The following PIEZO2 variants were observed in gnomAD, a reference collection of about 807,000 sequenced individuals.
The protein encoded by PIEZO2 is piezo type mechanosensitive ion channel component 2, also known as piezo-type mechanosensitive ion channel component 2.
Under a neutral mutation model 337.3 loss-of-function variants are expected in PIEZO2, and 172 were observed. The ratio of observed to expected loss-of-function variants is 0.51; its 90% CI spans 0.45 to 0.58. PIEZO2 has a LOEUF of 0.58. Ranked by LOEUF, PIEZO2 falls within the 20% of genes least tolerant of loss-of-function variation. PIEZO2 has a pLI of 0.00. For synonymous variants in PIEZO2, 1,251 were observed against 1,228.5 expected, an observed-to-expected ratio of 1.02 and a Z score of -0.38; for missense variants, 3,028 against 3,391.3, an observed-to-expected ratio of 0.89 and a Z score of 2.66.
Position 10,946,614 on chromosome 18 carries a change from C to T in PIEZO2, c.286+32921G>A, listed in dbSNP as rs2033035576. 1.3e-5 allele frequency among the ~76,000 whole-genome samples: 2 copies of T among 152,216 alleles called. 1 individual carries two copies. Among genetic ancestry groups the T allele is most frequent in the Admixed American group, 1.3e-4 (2 of 15,286 alleles). On this transcript the variant is annotated intron_variant, in intron 3 of 55. Coordinates refer to ENST00000674853, the MANE Select transcript of PIEZO2 (RefSeq NM_001378183.1). ...GAGGAGGAGCTGAACTTCCACCTCA[C>T]CCATCTGCAATGAGGCAGTGTGAGT... is the stretch of plus-strand genomic sequence containing the variant.
chr18:10,934,371 GT>G (rs1193108213), intron 3 of PIEZO2, among the ~76,000 whole-genome samples: 1 of 152,182 alleles, frequency 6.6e-6, no homozygotes, highest in Non-Finnish European at 1.5e-5. Context: ...GTCCATGACT[GT>G]GTTCAGGCCC....
rs1598789425 is a variant in PIEZO2 at position 10,988,527 on chromosome 18, A to G, written c.161-8867T>C. Among the ~76,000 whole-genome samples the G allele has an allele frequency of 6.6e-6, 1 of 152,178 alleles. No individual in the cohort carries two copies. Among genetic ancestry groups the G allele is most frequent in the South Asian group, 2.1e-4 (1 of 4,830 alleles). On this transcript the variant is annotated intron_variant, in intron 2 of 55. Coordinates refer to ENST00000674853, the MANE Select transcript of PIEZO2 (RefSeq NM_001378183.1). The surrounding 1 kb of genome is among the most constrained non-coding windows in gnomAD (Gnocchi z 4.8). ...TGGTAGCTCCATTATGAAAAATAGT[A>G]TGGAGATTCTTAAAAATTAAAAATA... is the stretch of plus-strand genomic sequence containing the variant.
chr18:10,778,620 C>G (rs1316049011), intron 18 of PIEZO2, among the ~76,000 whole-genome samples: 1 of 152,000 alleles, frequency 6.6e-6, no homozygotes, highest in Non-Finnish European at 1.5e-5. Context: ...GCGTGAGCCA[C>G]CACACCCGGC....
intron 2 of PIEZO2, among the ~76,000 whole-genome samples, chr18:11,055,731 C>T (rs1353571546): frequency 1.3e-5 from 2 of 152,194 alleles, no homozygotes; most frequent in Middle Eastern, 3.2e-3. Flanking sequence ...TGGGGGAAAT[C>T]TTGACCAAAA....
chr18:10,877,255 T>C lies in PIEZO2; in HGVS notation c.330-5840A>G, dbSNP rs2042292018. ...ATGGTGACTTATCCATTCATTTCAA[T>C]CAGAATCACAGATCAATGAACATTT... On this transcript the variant is annotated intron_variant, in intron 4 of 55. Coordinates refer to ENST00000674853, the MANE Select transcript of PIEZO2 (RefSeq NM_001378183.1). This position sits in a 1 kb window ranked among gnomAD's most constrained non-coding sequence, Gnocchi z 5.3. Among the ~76,000 whole-genome samples, 1 of 152,178 alleles carries C rather than the reference T, an allele frequency of 6.6e-6. No individual in the cohort carries two copies. The highest frequency in any genetic ancestry group is 2.1e-4 in the South Asian group (1 of 4,826).
At chr18:10,725,129 C>T in intron 36 of PIEZO2, 1 of 1,463,594 alleles carries the variant, frequency 6.8e-7, no homozygotes, top group Non-Finnish European at 9.6e-7. Flanking sequence ...TACCAGGAGC[C>T]CATGCCTATG....
In PIEZO2 at chr18:10,837,590, G is replaced by A. The variant is rs2041056388; in HGVS notation, c.917+17763C>T. On this transcript the variant is annotated intron_variant, in intron 7 of 55. Transcript: ENST00000674853. The surrounding 1 kb of genome is among the most constrained non-coding windows in gnomAD (Gnocchi z 4.4). Reference sequence around the variant, plus strand: ...TCCAAAATTCTATGGTACAATCTATGTAAGAAAAGGCCTAAAATCTAACTG... The same window carrying A: ...TCCAAAATTCTATGGTACAATCTATATAAGAAAAGGCCTAAAATCTAACTG... Among the ~76,000 whole-genome samples the A allele has an allele frequency of 6.6e-6, 1 of 152,164 alleles. No individual in the cohort carries two copies. The highest frequency in any genetic ancestry group is 6.5e-5 in the Admixed American group (1 of 15,272).
At chr18:10,685,845 C>T (rs1043082991) in intron 49 of PIEZO2, among the ~76,000 whole-genome samples, 4 of 152,160 alleles carry the variant, frequency 2.6e-5, no homozygotes, top group Admixed American at 2.6e-4. Flanking sequence ...GGAGCTCCCC[C>T]ATCTTATGGA....
At chr18:10,825,549 C>CTTTTTTTTTTT (rs1598539761) in intron 7 of PIEZO2, among the ~76,000 whole-genome samples, 1 of 108,862 alleles carries the variant, frequency 9.2e-6, no homozygotes, top group African/African-American at 4.3e-5. Context: ...TTCCTTTCTT[C>CTTTTTTTTTTT]CTTTTTTTTT....
At chr18:11,023,456 A>G (rs1598843404) in intron 2 of PIEZO2, among the ~76,000 whole-genome samples, 1 of 152,196 alleles carries the variant, frequency 6.6e-6, no homozygotes, top group African/African-American at 2.4e-5. Context: ...TGAGCTAGAC[A>G]CAGCGTGCTG....
At chr18:10,866,700 G>T (rs2042017310) in intron 5 of PIEZO2, among the ~76,000 whole-genome samples, 1 of 152,172 alleles carries the variant, frequency 6.6e-6, no homozygotes, top group African/African-American at 2.4e-5. Context: ...TGGTGACCAG[G>T]GATGTGGCTG....
At chr18:10,687,029 C>T (rs1029707424) in intron 49 of PIEZO2, among the ~76,000 whole-genome samples, 3 of 152,176 alleles carry the variant, frequency 2.0e-5, no homozygotes, top group Non-Finnish European at 2.9e-5. Context: ...TTCAGACCTA[C>T]GCCCTACCTT....
intron 5 of PIEZO2, among the ~76,000 whole-genome samples, chr18:10,868,336 T>C (rs1169491099): frequency 6.6e-6 from 1 of 152,210 alleles, no homozygotes; most frequent in African/African-American, 2.4e-5. Context: ...TATGCTGTGG[T>C]GTCAAAAATA....
chr18:10,900,411 G>A (rs1378333594), intron 4 of PIEZO2, among the ~76,000 whole-genome samples: 2 of 152,144 alleles, frequency 1.3e-5, no homozygotes, highest in Non-Finnish European at 2.9e-5. Flanking sequence ...TTTTCTCGTT[G>A]TGTGGGAGTC....
At chr18:10,806,581 A>G (rs1321580972) in intron 8 of PIEZO2, among the ~76,000 whole-genome samples, 4 of 152,112 alleles carry the variant, frequency 2.6e-5, no homozygotes, top group Admixed American at 2.0e-4. Context: ...CTATCACTCC[A>G]TCTTCACAGG....
intron 2 of PIEZO2, among the ~76,000 whole-genome samples, chr18:11,006,522 G>C (rs374081185): frequency 1.3e-5 from 2 of 152,118 alleles, no homozygotes; most frequent in African/African-American, 4.8e-5. Flanking sequence ...AGCACTCTTT[G>C]CCTCCTCAGA....
intron 1 of PIEZO2, among the ~76,000 whole-genome samples, chr18:11,087,706 T>C (rs2038954976): frequency 6.6e-6 from 1 of 152,234 alleles, no homozygotes; most frequent in African/African-American, 2.4e-5. Context: ...TCAACTAAAA[T>C]CGTCATTTCA....
At chr18:10,818,232 G>T (rs969936654) in intron 7 of PIEZO2, among the ~76,000 whole-genome samples, 7 of 152,126 alleles carry the variant, frequency 4.6e-5, no homozygotes, top group African/African-American at 1.4e-4. Context: ...ATTTCTTGAA[G>T]TACTTAGATT....
At chr18:10,714,182 G>A (rs976090904) in intron 39 of PIEZO2, among the ~76,000 whole-genome samples, 2 of 152,154 alleles carry the variant, frequency 1.3e-5, no homozygotes, top group African/African-American at 4.8e-5. Context: ...GGGTCTTAGA[G>A]GATAAAATGA....
Sources: gnomAD v4.1 joint callset for allele counts (sites outside exome capture counted in the v4.1 genomes callset) on GRCh38, gnomAD v4.1.1 for gene constraint, Gnocchi (gnomAD v3.1) non-coding constraint, MANE v1.5 for transcripts, NCBI Gene and HGNC (gene_info 2026-07-23, HGNC 2026-07-21) for gene names.